Variants in DNAH14 observed in about 807,000 individuals in gnomAD.
DNAH14 encodes dynein axonemal heavy chain 14.
DNAH14 carries 478 observed loss-of-function variants against 520.9 expected under a neutral mutation model. The observed-to-expected ratio is 0.92, with a 90% CI of 0.85 to 0.99. The LOEUF is 0.99. Among genes scored for constraint, DNAH14 ranks in the 50% least tolerant of loss-of-function variants. The pLI, the probability that DNAH14 is intolerant of heterozygous loss-of-function variation, is 0.00. For missense variants in DNAH14, 4,831 were observed against 5,234.5 expected, an observed-to-expected ratio of 0.92 and a Z score of 2.38; for synonymous variants, 1,581 against 1,757.2, an observed-to-expected ratio of 0.90 and a Z score of 2.51.
chr1:225,035,306 T>A (rs2066872129), intron 11 of DNAH14, among the ~76,000 whole-genome samples: 1 of 151,972 alleles, frequency 6.6e-6, no homozygotes, highest in South Asian at 2.1e-4. Context: ...TTGCTCTCTC[T>A]GTTTTTTTAG....
intron 36 of DNAH14, among the ~76,000 whole-genome samples, chr1:225,171,806 A>T (rs1157659205): frequency 6.6e-6 from 1 of 152,192 alleles, no homozygotes; most frequent in Non-Finnish European, 1.5e-5. Flanking sequence ...AGCCTGGCAG[A>T]CACACAACAA....
intron 1 of DNAH14, among the ~76,000 whole-genome samples, chr1:224,945,014 T>A (rs1208555453): frequency 2.6e-5 from 4 of 152,206 alleles, no homozygotes; most frequent in Non-Finnish European, 5.9e-5. Context: ...GCATTCTCTG[T>A]ATTTCCTGAA....
chr1:225,358,792 G>T, intron 74 of DNAH14, 140 bp downstream of exon 74: 3 of 825,914 alleles, frequency 3.6e-6, no homozygotes, highest in Non-Finnish European at 5.5e-6. Context: ...TCATGGGGAT[G>T]GTTCCCCCCA....
intron 36 of DNAH14, among the ~76,000 whole-genome samples, chr1:225,178,635 A>T (rs1384617420): frequency 6.6e-6 from 1 of 152,194 alleles, no homozygotes; most frequent in East Asian, 1.9e-4. Context: ...TTACAAGCCC[A>T]TAGGCAGATG....
At chr1:225,034,664 T>C (rs913786104) in intron 11 of DNAH14, among the ~76,000 whole-genome samples, 4 of 152,046 alleles carry the variant, frequency 2.6e-5, no homozygotes, top group African/African-American at 9.7e-5. Context: ...CTAGCTCTTC[T>C]TGGTACATCT....
At chr1:225,128,556 A>C (rs1346238984) in intron 27 of DNAH14, among the ~76,000 whole-genome samples, 2 of 151,840 alleles carry the variant, frequency 1.3e-5, no homozygotes, top group Admixed American at 6.6e-5. Context: ...ACAGAACCAA[A>C]GACAAAAACC....
rs996278207 is a variant in DNAH14, at chr1:225,167,973, TA to T, written c.5481del (p.Leu1827PhefsTer24). On this transcript the variant is annotated frameshift_variant, in exon 36 of 86. Transcript: ENST00000682510. LOFTEE classifies it high-confidence loss of function. ...TATACTGCAACTCAGCAATTGGGTT[TA>T]CAAAACTGGTCATCTCAGAAAGAGA... ...VIYTATQQLG[L>X]QNWSSQKEKI... 1.5e-5 allele frequency: 23 copies of T among 1,538,550 alleles called. No homozygotes were observed. The Admixed American group carries it at 4.3e-4, about 29-fold the overall frequency.
chr1:225,054,210 C>T (rs1339039265), intron 17 of DNAH14, among the ~76,000 whole-genome samples: 2 of 152,054 alleles, frequency 1.3e-5, no homozygotes, highest in Non-Finnish European at 2.9e-5. Flanking sequence ...AAATAAAAGG[C>T]GTAGAAATAT....
chr1:225,273,387 CGA>C (rs772914376), intron 52 of DNAH14, among the ~76,000 whole-genome samples: 20 of 152,204 alleles, frequency 1.3e-4, no homozygotes, highest in East Asian at 5.8e-4. Context: ...GCCGATGAGC[CGA>C]GATCGCACCA....
rs1348912501 is a variant in DNAH14, at chr1:225,080,719, T to G, written c.3107T>G (p.Leu1036Arg). 1 of 1,532,964 alleles carries G rather than the reference T, an allele frequency of 6.5e-7. No individual in the cohort carries two copies. Among genetic ancestry groups the G allele is most frequent in the African/African-American group, 1.4e-5 (1 of 72,530 alleles). The allele number at this position is 1,532,964 out of a possible 1,614,324, so 95.0% of individuals were successfully genotyped here. Residue 1036 changes from leucine (L) to arginine (R), a missense_variant, in exon 19 of 86, where the codon CTG becomes CGG. Physicochemically the swap from Leu to Arg is moderately radical, Grantham distance 102. Coordinates refer to ENST00000682510, the MANE Select transcript of DNAH14 (RefSeq NM_001367479.1). The part of the protein sequence containing the change: ...VESVQRNVSK[L>R]MHIISVLEKG... ...TCAGTACAGAGAAATGTTTCAAAACTGATGCACATAATCTCGGTACTAGAA... is the reference window on the plus strand; with the variant it reads ...TCAGTACAGAGAAATGTTTCAAAACGGATGCACATAATCTCGGTACTAGAA...
chr1:225,145,512 G>A (rs1290200910), intron 30 of DNAH14, 133 bp downstream of exon 30: 1 of 664,402 alleles, frequency 1.5e-6, no homozygotes, highest in African/African-American at 1.9e-5. Flanking sequence ...TTTAAATGCT[G>A]TTACTTCTTT....
rs769400193 is a variant in DNAH14, at chr1:225,085,686, C to G, written c.3470C>G (p.Ser1157Cys). ...PLILHHTEIY[S>C]IFIIPSIDDI... ...ATTCTTCACCACACAGAGATTTACT[C>G]TATCTTCATAATTCCATCTATAGAT... Residue 1157 changes from serine to cysteine, a missense_variant, in exon 21 of 86, where the codon TCT becomes TGT. Physicochemically the swap from Ser to Cys is moderately radical, Grantham distance 112. Coordinates refer to ENST00000682510, the MANE Select transcript of DNAH14 (RefSeq NM_001367479.1). 33 of 1,551,382 alleles carry G rather than the reference C, an allele frequency of 2.1e-5. No individual in the cohort carries two copies. In the African/African-American group the frequency reaches 3.3e-4, roughly 15 times the overall value.
intron 36 of DNAH14, among the ~76,000 whole-genome samples, chr1:225,168,865 C>T (rs1349550025): frequency 6.6e-6 from 1 of 152,222 alleles, no homozygotes; most frequent in African/African-American, 2.4e-5. Flanking sequence ...AAGTGGGTCT[C>T]TGACCCTCAA....
At chr1:224,971,162 ACT>A (rs1224002092) in intron 7 of DNAH14, among the ~76,000 whole-genome samples, 3 of 152,046 alleles carry the variant, frequency 2.0e-5, no homozygotes, top group African/African-American at 7.2e-5. Flanking sequence ...GATTCTCAAG[ACT>A]CTGATTCTTC....
At chr1:225,067,170 A>G (rs1476334872) in intron 17 of DNAH14, among the ~76,000 whole-genome samples, 2 of 152,094 alleles carry the variant, frequency 1.3e-5, no homozygotes, top group Non-Finnish European at 2.9e-5. Flanking sequence ...CTATGTGTCC[A>G]TGTGCTCTCA....
In DNAH14 at chr1:225,240,604, C is replaced by T. The variant is rs2091910144; in HGVS notation, c.6530C>T (p.Thr2177Ile). ...CCTGTCTACCCCAGGGATGAAAATA[C>T]ATGGTATCCAGAGAAAAATCCTGAT... ...FKDIEKRDENTWYPEKNPDKL... is the reference protein window; with the variant it reads ...FKDIEKRDENIWYPEKNPDKL... The change falls in exon 43 of 86, where the codon ACA becomes ATA. Residue 2177 changes from threonine to isoleucine, a missense_variant. Coordinates refer to ENST00000682510, the MANE Select transcript of DNAH14 (RefSeq NM_001367479.1). 7 of 1,546,620 alleles carry T rather than the reference C, an allele frequency of 4.5e-6. No homozygotes were observed. Among genetic ancestry groups the T allele is most frequent in the Non-Finnish European group, 6.1e-6 (7 of 1,143,018 alleles).
chr1:225,181,821 G>T (rs2084045206), intron 36 of DNAH14, among the ~76,000 whole-genome samples: 2 of 152,082 alleles, frequency 1.3e-5, no homozygotes, highest in African/African-American at 2.4e-5. Flanking sequence ...GATGGTTGTA[G>T]GTATGTGGCT....
At chr1:225,297,719 C>G (rs1191960742) in intron 55 of DNAH14, among the ~76,000 whole-genome samples, 1 of 152,194 alleles carries the variant, frequency 6.6e-6, no homozygotes, top group Non-Finnish European at 1.5e-5. Context: ...GGTGGGCTCA[C>G]CAGGCTGTTT....
intron 49 of DNAH14, among the ~76,000 whole-genome samples, chr1:225,267,560 G>T (rs569111766): frequency 6.6e-6 from 1 of 152,044 alleles, no homozygotes; most frequent in African/African-American, 2.4e-5. Flanking sequence ...AAAGTGCTGG[G>T]ATTACAGGCG....
Sources: allele counts gnomAD v4.1 joint callset (sites outside exome capture counted in the v4.1 genomes callset), GRCh38; gene constraint gnomAD v4.1.1; transcripts MANE v1.5; gene names NCBI Gene and HGNC (gene_info 2026-07-23, HGNC 2026-07-21).